NAGPA: variants seen among roughly 807,000 people sequenced by gnomAD.
The protein encoded by NAGPA is N-acetylglucosamine-1-phosphodiester alpha-N-acetylglucosaminidase.
Under a neutral mutation model 48.5 loss-of-function variants are expected in NAGPA, and 56 were observed. The ratio of observed to expected loss-of-function variants is 1.15; its 90% CI spans 0.93 to 1.44. The LOEUF (loss-of-function observed/expected upper bound fraction) is 1.44, where lower values mean the gene tolerates loss of function less well. NAGPA is among the 40% of genes most tolerant of loss of function. The pLI is 0.00. For synonymous variants in NAGPA, 399 were observed against 315.5 expected (o/e 1.26, Z -2.81); for missense variants, 888 against 735.0 (o/e 1.21, Z -2.41).
Position 5,028,313 on chromosome 16 carries a change from A to G in NAGPA, c.921-128T>C, listed in dbSNP as rs748476324. 9.2e-5 allele frequency: 141 copies of G among 1,524,598 alleles called. 2 individuals are homozygous for G. In the South Asian group the frequency reaches 1.2e-3, roughly 13 times the overall value. 94.4% of individuals were successfully genotyped at this position (1,524,598 alleles called of 1,614,324 possible). A position where few individuals can be genotyped will look rare whatever the true frequency, so the allele number is the denominator to read the frequency against. ...CCTACCTACCTACAAGATGGCGTCT[A>G]TCTATTTTTGAGATGAGGTATTGCG... On this transcript the variant is annotated intron_variant, in intron 5 of 9. Transcript: ENST00000312251.
In NAGPA at chr16:5,031,821, G is replaced by A. The variant is rs766018214; in HGVS notation, c.606C>T (p.Val202=). Residue 202 remains valine (V), a synonymous_variant, in exon 3 of 10, where the codon GTC becomes GTT. Coordinates refer to ENST00000312251, the MANE Select transcript of NAGPA (RefSeq NM_016256.4). ...ENPFVQLLSG[V]VWLIRNGSIY... ...TGCTTCCATTACGAATCAGCCACAC[G>A]ACCCCACTCAGCAGCTGCACAAATG... 22 of 1,614,062 alleles carry A rather than the reference G, an allele frequency of 1.4e-5. No homozygotes were observed. The highest frequency in any genetic ancestry group is 1.7e-5 in the Non-Finnish European group (20 of 1,180,014).
At chr16:5,031,089 C>G (rs1956088721) in intron 3 of NAGPA, 1 of 168,680 alleles carries the variant, frequency 5.9e-6, no homozygotes, top group Admixed American at 5.6e-5. Context: ...ACCACCATGC[C>G]TGGCTAATTT....
chr16:5,030,084 T>C (rs148261996), intron 4 of NAGPA: 145 of 518,736 alleles, frequency 2.8e-4, no homozygotes, highest in African/African-American at 2.6e-3. Context: ...AGACAAGTCA[T>C]CGATGGCTAA....
chr16:5,028,063 G>T lies in NAGPA; in HGVS notation c.1043C>A (p.Thr348Asn). 6.2e-7 allele frequency: 1 copy of T among 1,613,894 alleles called. No homozygotes were observed. Among genetic ancestry groups the T allele is most frequent in the Non-Finnish European group, 8.5e-7 (1 of 1,179,946 alleles). The change falls in exon 6 of 10, where the codon ACC (threonine) becomes AAC (asparagine). Residue 348 changes from threonine (T) to asparagine (N), a missense_variant. By Grantham distance (65) the Thr-to-Asn change is moderately conservative. Transcript: ENST00000312251. The stretch of plus-strand genomic sequence containing the variant: ...GCCGGGACCCCGCCAGAAGTGCCCG[G>T]TGCATTGGCAGTGCCCGTCCACGCA... ...GTCVDGHCQCTGHFWRGPGCD... is the reference protein window; with the variant it reads ...GTCVDGHCQCNGHFWRGPGCD...
At position 5,028,280 on chromosome 16, in the gene NAGPA, C is replaced by T. The variant is rs1399204822; in HGVS notation, c.921-95G>A. The T allele has an allele frequency of 6.5e-6, 10 of 1,544,698 alleles. No homozygotes were observed. The South Asian group carries it at 1.1e-4, about 17-fold the overall frequency. On this transcript the variant is annotated intron_variant, in intron 5 of 9. Coordinates refer to ENST00000312251, the MANE Select transcript of NAGPA (RefSeq NM_016256.4). ...CCAACCACCCCTCTCTCCATTCTCA[C>T]CTGTCTACCTACCTACCTACAAGAT...
intron 4 of NAGPA, chr16:5,029,212 G>A (rs762378424): frequency 1.2e-6 from 1 of 831,058 alleles, no homozygotes; most frequent in East Asian, 2.8e-5. Flanking sequence ...ACATGGCATA[G>A]GAATCCTTAA....
intron 9 of NAGPA, among the ~76,000 whole-genome samples, chr16:5,026,155 C>CTG (rs1274763321): frequency 6.6e-6 from 1 of 150,974 alleles, no homozygotes; most frequent in Admixed American, 6.6e-5. Flanking sequence ...TCTTGAACTC[C>CTG]TGACCTCAAG....
At chr16:5,027,756 C>G (rs1395986881) in intron 7 of NAGPA, 90 bp downstream of exon 7, 1 of 1,524,334 alleles carries the variant, frequency 6.6e-7, no homozygotes, top group Non-Finnish European at 8.9e-7. Flanking sequence ...ATTTCCCAGA[C>G]CAGAAGGTGG....
At chr16:5,030,837 C>T (rs1219268028) in intron 3 of NAGPA, among the ~76,000 whole-genome samples, 1 of 152,192 alleles carries the variant, frequency 6.6e-6, no homozygotes, top group Non-Finnish European at 1.5e-5. Flanking sequence ...AGCCACTTTG[C>T]ACTTCCTGTT....
Position 5,028,107 on chromosome 16 carries a change from G to C in NAGPA, c.999C>G (p.Asp333Glu). Reference protein sequence around the residue: ...CVHEPRCQPPDCHGHGTCVDG... With the variant: ...CVHEPRCQPPECHGHGTCVDG... ...CCACGCAGGTCCCGTGGCCGTGGCA[G>C]TCAGGCGGCTGGCAGCGGGGTTCGT... The change falls in exon 6 of 10, where the codon GAC (aspartate) becomes GAG (glutamate). Residue 333 changes from aspartate (D) to glutamate (E), a missense_variant. Physicochemically the swap from Asp to Glu is conservative, Grantham distance 45. Coordinates refer to ENST00000312251, the MANE Select transcript of NAGPA (RefSeq NM_016256.4). The C allele has an allele frequency of 6.2e-7, 1 of 1,611,528 alleles. No homozygotes were observed. Among genetic ancestry groups the C allele is most frequent in the East Asian group, 2.2e-5 (1 of 44,762 alleles).
chr16:5,033,191 G>A lies in NAGPA; in HGVS notation c.542+82C>T. Reference sequence around the variant, plus strand: ...GGAAACAGGGGCTCAGCTTGGTTAAGTGACTTGAACACGGAGGCACGGCTA... The same window carrying A: ...GGAAACAGGGGCTCAGCTTGGTTAAATGACTTGAACACGGAGGCACGGCTA... On this transcript the variant is annotated intron_variant, in intron 2 of 9. Coordinates refer to ENST00000312251, the MANE Select transcript of NAGPA (RefSeq NM_016256.4). The surrounding 1 kb of genome is among the most constrained non-coding windows in gnomAD (Gnocchi z 4.2). 2.0e-6 allele frequency: 3 copies of A among 1,483,576 alleles called. No individual in the cohort carries two copies. The highest frequency in any genetic ancestry group is 2.7e-6 in the Non-Finnish European group (3 of 1,100,320). The allele number at this position is 1,483,576 out of a possible 1,614,324, so 91.9% of individuals were successfully genotyped here. A position where few individuals can be genotyped will look rare whatever the true frequency, so the allele number is the denominator to read the frequency against.
In NAGPA at chr16:5,033,935, C is replaced by A; in HGVS notation, c.-21G>T. ...GCCATATTGGACCGGGGCCTCGGGT[C>A]ATGTGGGCTCGCCTCACGTGACTCA... On this transcript the variant is annotated 5_prime_UTR_variant, in exon 1 of 10. Transcript: ENST00000312251. This position sits in a 1 kb window ranked among gnomAD's most constrained non-coding sequence, Gnocchi z 4.2. 1 of 1,547,858 alleles carries A rather than the reference C, an allele frequency of 6.5e-7. No homozygotes were observed. Among genetic ancestry groups the A allele is most frequent in the South Asian group, 1.2e-5 (1 of 83,928 alleles).
chr16:5,031,252 T>A lies in NAGPA; in HGVS notation c.682+493A>T, dbSNP rs145961593. ...ACCTAGCTTACTGCCCACTCTAAAA[T>A]GGTCATGGTATCCTGTCCCCATCCC... On this transcript the variant is annotated intron_variant, in intron 3 of 9. Coordinates refer to ENST00000312251, the MANE Select transcript of NAGPA (RefSeq NM_016256.4). 292 of 205,504 alleles carry A rather than the reference T, an allele frequency of 1.4e-3. 3 individuals are homozygous for A. Among genetic ancestry groups the A allele is most frequent in the African/African-American group, 6.2e-3 (266 of 42,910 alleles). 12.7% of individuals were successfully genotyped at this position (205,504 alleles called of 1,614,324 possible).
chr16:5,029,148 T>C, intron 4 of NAGPA, 140 bp from the exon 5 acceptor site: 1 of 1,412,482 alleles, frequency 7.1e-7, no homozygotes, highest in Admixed American at 1.8e-5. Context: ...GCATGTCTCA[T>C]CCTAGCCCCC....
chr16:5,032,494 C>CG (rs1219343862), intron 2 of NAGPA, among the ~76,000 whole-genome samples: 2 of 149,772 alleles, frequency 1.3e-5, no homozygotes, highest in Non-Finnish European at 1.5e-5. Flanking sequence ...CTCCCCCGTT[C>CG]CCCACCCCAT....
At chr16:5,031,986 C>T in intron 2 of NAGPA, 102 bp from the exon 3 acceptor site, 8 of 1,535,506 alleles carry the variant, frequency 5.2e-6, no homozygotes, top group Non-Finnish European at 7.2e-6. Context: ...TAGATTCCCC[C>T]TCATGCCCCA....
rs756355732 is a variant in NAGPA at position 5,027,137 on chromosome 16, G to A, written c.1338C>T (p.Thr446=). 6.2e-7 allele frequency: 1 copy of A among 1,614,176 alleles called. No homozygotes were observed. The highest frequency in any genetic ancestry group is 1.3e-5 in the African/African-American group (1 of 75,056). ...CCAGCTCCCACAGAAGCACCTACCT[G>A]GTGAAAAAGGAGAGTTCTCCCGCCC... is the stretch of plus-strand genomic sequence containing the variant. ...TLRAGELSFF[T]RTAWLALTLA... is the part of the protein sequence containing the mutation. The change falls in exon 9 of 10, where the codon ACC becomes ACT. Residue 446 remains threonine (T), a splice_region_variant and synonymous_variant. Transcript: ENST00000312251.
In NAGPA at chr16:5,029,471, C is replaced by T. The variant is rs139065924; in HGVS notation, c.792-463G>A. On this transcript the variant is annotated intron_variant, in intron 4 of 9. Transcript: ENST00000312251. ...ACCTCAGTCACAACTGAGGAGGCGACGGGGATTCTTCCAACAACCTAAACA... is the reference window on the plus strand; with the variant it reads ...ACCTCAGTCACAACTGAGGAGGCGATGGGGATTCTTCCAACAACCTAAACA... 3.2e-3 allele frequency: 800 copies of T among 246,466 alleles called. 6 individuals carry two copies. Among genetic ancestry groups the T allele is most frequent in the Middle Eastern group, 6.2e-3 (4 of 646 alleles). The allele number at this position is 246,466 out of a possible 1,614,324, so 15.3% of individuals were successfully genotyped here.
At chr16:5,032,604 G>T (rs987590975) in intron 2 of NAGPA, among the ~76,000 whole-genome samples, 3 of 151,916 alleles carry the variant, frequency 2.0e-5, no homozygotes, top group African/African-American at 7.3e-5. Context: ...GCTTGAACCC[G>T]GGAGGCAGAG....
Sources: gnomAD v4.1 joint callset for allele counts (sites outside exome capture counted in the v4.1 genomes callset) on GRCh38, gnomAD v4.1.1 for gene constraint, Gnocchi (gnomAD v3.1) non-coding constraint, MANE v1.5 for transcripts, NCBI Gene and HGNC (gene_info 2026-07-23, HGNC 2026-07-21) for gene names.